The following KREMEN1 variants were observed in gnomAD, a reference collection of about 807,000 sequenced individuals.
The protein encoded by KREMEN1 is kringle containing transmembrane protein 1, also known as kremen protein 1.
In KREMEN1, 30 loss-of-function variants were observed where a neutral mutation model predicts 46.5. That is an observed-to-expected ratio of 0.65 (90% confidence interval 0.48 to 0.88). The LOEUF (loss-of-function observed/expected upper bound fraction) is 0.88, where lower values mean the gene tolerates loss of function less well. Ranked by LOEUF, KREMEN1 falls within the 40% of genes least tolerant of loss-of-function variation. The pLI is 0.00. For missense variants in KREMEN1, 533 were observed against 596.9 expected, an observed-to-expected ratio of 0.89 and a Z score of 1.11; for synonymous variants, 214 against 230.6, an observed-to-expected ratio of 0.93 and a Z score of 0.65.
At chr22:29,085,328 C>A (rs2037712455) in intron 1 of KREMEN1, among the ~76,000 whole-genome samples, 1 of 152,134 alleles carries the variant, frequency 6.6e-6, no homozygotes, top group South Asian at 2.1e-4. Flanking sequence ...TTCATCTATA[C>A]CCTCTTCATT....
At chr22:29,130,277 G>A (rs2038512178) in intron 5 of KREMEN1, among the ~76,000 whole-genome samples, 1 of 152,222 alleles carries the variant, frequency 6.6e-6, no homozygotes, top group Non-Finnish European at 1.5e-5. Context: ...AGTGGGAAGG[G>A]AAGAGATTAA....
At chr22:29,126,422 G>A (rs914870351) in intron 5 of KREMEN1, among the ~76,000 whole-genome samples, 2 of 152,144 alleles carry the variant, frequency 1.3e-5, no homozygotes, top group South Asian at 2.1e-4. Context: ...TCTGGTGGTT[G>A]TCGGCGATCC....
At chr22:29,151,432 G>A (rs1471082854), downstream of KREMEN1, among the ~76,000 whole-genome samples, 1 of 152,126 alleles carries the variant, frequency 6.6e-6, no homozygotes, top group Admixed American at 6.5e-5. Context: ...GACTTTGCAG[G>A]CTATACAGTC....
intron 5 of KREMEN1, among the ~76,000 whole-genome samples, chr22:29,132,800 G>T (rs908598358): frequency 2.6e-4 from 39 of 152,128 alleles, no homozygotes; most frequent in Admixed American, 2.5e-3. Context: ...TTTTTGCTGG[G>T]TATTGATTTC....
intron 3 of KREMEN1, among the ~76,000 whole-genome samples, chr22:29,119,115 A>T (rs1218449672): frequency 6.6e-6 from 1 of 152,222 alleles, no homozygotes; most frequent in Non-Finnish European, 1.5e-5. Context: ...TGGGAGGCTG[A>T]GGCAGGAGGA....
At chr22:29,133,935 A>G (rs907624235) in intron 5 of KREMEN1, 1 of 151,926 alleles carries the variant, frequency 6.6e-6, no homozygotes, top group Non-Finnish European at 1.5e-5. Flanking sequence ...GATAATTTCT[A>G]TTGACCTGTC....
intron 4 of KREMEN1, among the ~76,000 whole-genome samples, chr22:29,122,378 G>C (rs2038370163): frequency 6.6e-6 from 1 of 152,170 alleles, no homozygotes; most frequent in Non-Finnish European, 1.5e-5. Context: ...AAATGCTACA[G>C]CTTCTTTGAA....
At chr22:29,091,911 A>G (rs1323475822) in intron 1 of KREMEN1, among the ~76,000 whole-genome samples, 3 of 152,220 alleles carry the variant, frequency 2.0e-5, no homozygotes, top group Admixed American at 6.5e-5. Context: ...GAAATAGCAT[A>G]GTGTGTTCAC....
At chr22:29,128,447 A>T (rs1269427842) in intron 5 of KREMEN1, among the ~76,000 whole-genome samples, 1 of 152,172 alleles carries the variant, frequency 6.6e-6, no homozygotes, top group Non-Finnish European at 1.5e-5. Flanking sequence ...GTACATTTTT[A>T]TTGGGCATCT....
At chr22:29,165,497 ACCAGGGCATGAAG>A (rs1210429623) in intron 9 of KREMEN1, among the ~76,000 whole-genome samples, 3 of 152,134 alleles carry the variant, frequency 2.0e-5, no homozygotes, top group African/African-American at 7.2e-5. Context: ...AGGTGACCGT[ACCAGGGCATGAAG>A]CCAGGAGGTG....
intron 1 of KREMEN1, among the ~76,000 whole-genome samples, chr22:29,086,651 G>A (rs117164875): frequency 6.6e-6 from 1 of 152,166 alleles, no homozygotes; most frequent in East Asian, 1.9e-4. Flanking sequence ...CTGCCCAGGG[G>A]CTTCAAAGTG....
intron 3 of KREMEN1, among the ~76,000 whole-genome samples, chr22:29,105,360 T>C (rs917420098): frequency 1.4e-5 from 2 of 142,596 alleles, no homozygotes; most frequent in Non-Finnish European, 3.0e-5. Flanking sequence ...ACACTTTAAG[T>C]AGCAAGGTTC....
rs770971845 is a variant in KREMEN1 at position 29,138,655 on chromosome 22, C to T, written c.996C>T (p.Pro332=). ...AGGAAGAACTGCCACAGGAGAGGCCCGCTGTCAACCAGACGGTGGCCGAGG... is the reference window on the plus strand; with the variant it reads ...AGGAAGAACTGCCACAGGAGAGGCCTGCTGTCAACCAGACGGTGGCCGAGG... The part of the protein sequence containing the change: ...AVKEELPQER[P]AVNQTVAEVI... The change falls in exon 7 of 9, where the codon CCC becomes CCT. Residue 332 remains proline, a synonymous_variant. Coordinates refer to ENST00000400335, the MANE Select transcript of KREMEN1 (RefSeq NM_001039570.3). 6.1e-5 allele frequency: 99 copies of T among 1,614,100 alleles called. 1 individual carries two copies. In the South Asian group the frequency reaches 7.7e-4, roughly 13 times the overall value.
chr22:29,094,800 T>G (rs1245517638), intron 2 of KREMEN1, among the ~76,000 whole-genome samples: 1 of 151,888 alleles, frequency 6.6e-6, no homozygotes, highest in Non-Finnish European at 1.5e-5. Context: ...ATTTTTCGTG[T>G]TTTTAGTAGA....
At chr22:29,161,423 C>T (rs1171599452) in intron 9 of KREMEN1, among the ~76,000 whole-genome samples, 2 of 138,486 alleles carry the variant, frequency 1.4e-5, no homozygotes, top group East Asian at 2.4e-4. Flanking sequence ...AGGAGAATGG[C>T]GTGAACCCGG....
At chr22:29,107,086 T>C (rs1303692783) in intron 3 of KREMEN1, among the ~76,000 whole-genome samples, 3 of 152,198 alleles carry the variant, frequency 2.0e-5, no homozygotes, top group Non-Finnish European at 2.9e-5. Context: ...CCCCTGGGGT[T>C]GGACCCACTG....
chr22:29,136,891 T>C (rs2038666387), intron 5 of KREMEN1, among the ~76,000 whole-genome samples: 1 of 152,220 alleles, frequency 6.6e-6, no homozygotes, highest in South Asian at 2.1e-4. Context: ...TTGACAGCTT[T>C]ACCTCATCGG....
chr22:29,098,601 T>C (rs1017200854), intron 2 of KREMEN1, among the ~76,000 whole-genome samples: 2 of 152,194 alleles, frequency 1.3e-5, no homozygotes, highest in African/African-American at 4.8e-5. Context: ...TTTGTCCTAG[T>C]TATGCTATAG....
rs551530648 is a variant in KREMEN1, at chr22:29,158,882, C to T, written c.1417-8162C>T. Among the ~76,000 whole-genome samples, 34 of 151,580 alleles carry T rather than the reference C, an allele frequency of 2.2e-4. No homozygotes were observed. The East Asian group carries it at 6.1e-3, about 27-fold the overall frequency. Reference sequence around the variant, plus strand: ...TCAGTCTGTTGCCCAGGCTGGCTCACTGCTCAGCTCGCTGCAACCTCCGCC... The same window carrying T: ...TCAGTCTGTTGCCCAGGCTGGCTCATTGCTCAGCTCGCTGCAACCTCCGCC... On this transcript the variant is annotated intron_variant, in intron 9 of 9. Coordinates refer to the KREMEN1 transcript ENST00000327813.
Sources: allele counts gnomAD v4.1 joint callset (sites outside exome capture counted in the v4.1 genomes callset), GRCh38; gene constraint gnomAD v4.1.1; transcripts MANE v1.5; gene names NCBI Gene and HGNC (gene_info 2026-07-23, HGNC 2026-07-21).